CHRM5: variants seen among roughly 807,000 people sequenced by gnomAD.
The protein encoded by CHRM5 is cholinergic receptor muscarinic 5.
A neutral mutation model predicts 39.0 loss-of-function variants in CHRM5; 18 were observed. The ratio of observed to expected loss-of-function variants is 0.46; its 90% CI spans 0.32 to 0.68. The LOEUF (loss-of-function observed/expected upper bound fraction) is 0.68, where lower values mean the gene tolerates loss of function less well. Ranked by LOEUF, CHRM5 falls within the 30% of genes least tolerant of loss-of-function variation. CHRM5 has a pLI of 0.04. For missense variants in CHRM5, 515 were observed against 651.1 expected, an observed-to-expected ratio of 0.79 and a Z score of 2.28; for synonymous variants, 241 against 246.3, an observed-to-expected ratio of 0.98 and a Z score of 0.20.
At chr15:34,038,005 T>C (rs1446424276) in intron 1 of CHRM5, among the ~76,000 whole-genome samples, 1 of 152,212 alleles carries the variant, frequency 6.6e-6, no homozygotes. Flanking sequence ...TGAGATATGG[T>C]TAGCTTTGCC....
intron 1 of CHRM5, among the ~76,000 whole-genome samples, chr15:34,004,325 A>G (rs991282236): frequency 3.0e-4 from 45 of 147,672 alleles, no homozygotes; most frequent in Admixed American, 2.7e-4. Context: ...GCACAATGTG[A>G]ACAATTCTAG....
chr15:33,997,500 A>G (rs1422888471), intron 1 of CHRM5, among the ~76,000 whole-genome samples: 2 of 152,154 alleles, frequency 1.3e-5, no homozygotes, highest in African/African-American at 2.4e-5. Flanking sequence ...GTATTTTTAT[A>G]TAAGACTATA....
intron 1 of CHRM5, among the ~76,000 whole-genome samples, chr15:34,030,884 C>T (rs563924606): frequency 4.6e-4 from 70 of 152,136 alleles, no homozygotes; most frequent in Middle Eastern, 3.4e-3. Flanking sequence ...TCCCAAAGTG[C>T]TGGGATTACA....
chr15:34,040,095 T>C (rs951101471), intron 1 of CHRM5, among the ~76,000 whole-genome samples: 34 of 152,188 alleles, frequency 2.2e-4, no homozygotes, highest in African/African-American at 8.2e-4. Flanking sequence ...CCATACATAG[T>C]TAATACTTTT....
At chr15:34,000,149 CAGTA>C (rs1184429247) in intron 1 of CHRM5, among the ~76,000 whole-genome samples, 5 of 152,182 alleles carry the variant, frequency 3.3e-5, no homozygotes, top group African/African-American at 1.2e-4. Flanking sequence ...GTTATATTCT[CAGTA>C]AGACCCCTGG....
At chr15:34,048,288 C>A (rs1322922431) in intron 2 of CHRM5, among the ~76,000 whole-genome samples, 1 of 152,160 alleles carries the variant, frequency 6.6e-6, no homozygotes, top group Non-Finnish European at 1.5e-5. Flanking sequence ...CTGATCTTTC[C>A]CTGGGATGGA....
chr15:34,007,125 T>C (rs7169003), intron 1 of CHRM5: 162,231 of 842,052 alleles, frequency 0.19, 16,401 homozygotes, highest in Middle Eastern at 0.27. Flanking sequence ...ACCTATTATA[T>C]AATCAAACTA....
intron 1 of CHRM5, among the ~76,000 whole-genome samples, chr15:33,998,520 A>C (rs1437637733): frequency 6.6e-6 from 1 of 152,168 alleles, no homozygotes; most frequent in Non-Finnish European, 1.5e-5. Flanking sequence ...CCACCAGCCC[A>C]TTATTCTCCT....
chr15:34,033,662 T>C (rs1206867897), intron 1 of CHRM5, among the ~76,000 whole-genome samples: 1 of 152,210 alleles, frequency 6.6e-6, no homozygotes, highest in Non-Finnish European at 1.5e-5. Flanking sequence ...TGGTAACCAC[T>C]AAAAAACTTT....
At chr15:34,036,457 G>C (rs1379120648) in intron 1 of CHRM5, among the ~76,000 whole-genome samples, 1 of 152,068 alleles carries the variant, frequency 6.6e-6, no homozygotes, top group East Asian at 1.9e-4. Flanking sequence ...GATCATTTCG[G>C]TTACTCTCTC....
At chr15:34,027,533 A>AAAAT in intron 1 of CHRM5, among the ~76,000 whole-genome samples, 1 of 151,554 alleles carries the variant, frequency 6.6e-6, no homozygotes, top group Non-Finnish European at 1.5e-5. Context: ...TGTCTCAAAA[A>AAAAT]AAAAAAAAGA....
intron 1 of CHRM5, among the ~76,000 whole-genome samples, chr15:34,032,809 A>G (rs1898922892): frequency 6.6e-6 from 1 of 152,212 alleles, no homozygotes; most frequent in African/African-American, 2.4e-5. Context: ...ACAATAGGAT[A>G]ATTTTAAATA....
At chr15:34,038,660 C>T in intron 1 of CHRM5, 2 of 980,614 alleles carry the variant, frequency 2.0e-6, no homozygotes, top group Non-Finnish European at 2.5e-6. Context: ...GCGCAGGCGC[C>T]GGCGCCGCCG....
At position 34,067,266 on chromosome 15, in the gene CHRM5, C is replaced by T. The variant is rs1900536683; in HGVS notation, c.*2950C>T. 6.6e-6 allele frequency: 1 copy of T among 152,176 alleles called. No individual in the cohort carries two copies. Among genetic ancestry groups the T allele is most frequent in the Non-Finnish European group, 1.5e-5 (1 of 68,040 alleles). The allele number at this position is 152,176 out of a possible 1,614,324, so 9.4% of individuals were successfully genotyped here. A position where few individuals can be genotyped will look rare whatever the true frequency, so the allele number is the denominator to read the frequency against. Reference sequence around the variant, plus strand: ...CAATATTCTCAGCTTTTGCTTCGCTCCTTTGGTGAATGTCCTTTGAAGACA... The same window carrying T: ...CAATATTCTCAGCTTTTGCTTCGCTTCTTTGGTGAATGTCCTTTGAAGACA... On this transcript the variant is annotated 3_prime_UTR_variant, in exon 3 of 3. Transcript: ENST00000383263.
Position 34,066,996 on chromosome 15 carries a change from A to C in CHRM5, c.*2680A>C, listed in dbSNP as rs1005176359. 1.3e-5 allele frequency: 2 copies of C among 152,164 alleles called. No homozygotes were observed. The highest frequency in any genetic ancestry group is 1.3e-4 in the Admixed American group (2 of 15,278). 9.4% of individuals were successfully genotyped at this position (152,164 alleles called of 1,614,324 possible). A position where few individuals can be genotyped will look rare whatever the true frequency, so the allele number is the denominator to read the frequency against. On this transcript the variant is annotated 3_prime_UTR_variant, in exon 3 of 3. Coordinates refer to ENST00000383263, the MANE Select transcript of CHRM5 (RefSeq NM_012125.4). Reference sequence around the variant, plus strand: ...TGGGGTCCTCAGAATGAATAGACCTAATTGTAAACTACAGGGACCTGATGG... The same window carrying C: ...TGGGGTCCTCAGAATGAATAGACCTCATTGTAAACTACAGGGACCTGATGG...
chr15:33,976,706 CA>C (rs969698986), intron 1 of CHRM5, among the ~76,000 whole-genome samples: 1,634 of 149,210 alleles, frequency 0.011, 32 homozygotes, highest in African/African-American at 0.038. Flanking sequence ...AAGACAGAAA[CA>C]AAAAAAAAAT....
intron 2 of CHRM5, among the ~76,000 whole-genome samples, chr15:34,059,591 A>T (rs1001162612): frequency 6.6e-6 from 1 of 151,972 alleles, no homozygotes; most frequent in African/African-American, 2.4e-5. Flanking sequence ...TTCACTTCTC[A>T]GCTTTCTTTG....
chr15:33,989,540 C>G (rs974071601), intron 1 of CHRM5, among the ~76,000 whole-genome samples: 3 of 151,816 alleles, frequency 2.0e-5, no homozygotes, highest in African/African-American at 7.3e-5. Context: ...ACCACCTAAA[C>G]ACATATACTA....
intron 2 of CHRM5, among the ~76,000 whole-genome samples, chr15:34,055,393 T>C (rs978724970): frequency 1.3e-5 from 2 of 151,986 alleles, no homozygotes; most frequent in African/African-American, 4.8e-5. Context: ...TAGTCCCAGC[T>C]ACTCAGGAGG....
Sources: gnomAD v4.1 joint callset for allele counts (sites outside exome capture counted in the v4.1 genomes callset) on GRCh38, gnomAD v4.1.1 for gene constraint, MANE v1.5 for transcripts, NCBI Gene and HGNC (gene_info 2026-07-23, HGNC 2026-07-21) for gene names.